Variants in HSPA9 observed in about 807,000 individuals in gnomAD.
HSPA9 encodes stress-70 protein, mitochondrial.
A neutral mutation model predicts 81.5 loss-of-function variants in HSPA9; 28 were observed. The observed-to-expected ratio is 0.34, with a 90% CI of 0.25 to 0.47. The LOEUF is 0.47. Among genes scored for constraint, HSPA9 ranks in the 20% least tolerant of loss-of-function variants. HSPA9 has a pLI of 1.00. For missense variants in HSPA9, 678 were observed against 838.0 expected, an observed-to-expected ratio of 0.81 and a Z score of 2.36; for synonymous variants, 293 against 290.4, an observed-to-expected ratio of 1.01 and a Z score of -0.09.
intron 4 of HSPA9, among the ~76,000 whole-genome samples, chr5:138,569,822 G>T (rs932188928): frequency 3.3e-5 from 5 of 152,006 alleles, no homozygotes; most frequent in Non-Finnish European, 7.4e-5. Flanking sequence ...TAAAGTGCTA[G>T]GATTACAGAC....
At chr5:138,560,165 T>C (rs1484765118) in intron 10 of HSPA9, 74 bp from the exon 11 acceptor site, 3 of 989,196 alleles carry the variant, frequency 3.0e-6, no homozygotes, top group Non-Finnish European at 4.8e-6. Context: ...GGAGCACGTG[T>C]CCTACGCTCC....
rs776856120 is a variant in HSPA9, at chr5:138,561,738, A to G, written c.1024T>C (p.Leu342=). 6.2e-7 allele frequency: 1 copy of G among 1,614,150 alleles called. No homozygotes were observed. The highest frequency in any genetic ancestry group is 8.5e-7 in the Non-Finnish European group (1 of 1,180,014). Residue 342 remains leucine, a synonymous_variant, in exon 10 of 17, where the codon TTG becomes CTG. Transcript: ENST00000297185. The part of the protein sequence containing the change: ...LTMDSSGPKH[L]NMKLTRAQFE... ...TGAGCACGGGTCAACTTCATATTCAAATGCTTGGGTCCAGAAGAATCCATT... is the reference window on the plus strand; with the variant it reads ...TGAGCACGGGTCAACTTCATATTCAGATGCTTGGGTCCAGAAGAATCCATT...
In HSPA9 at chr5:138,567,173, A is replaced by G; in HGVS notation, c.717-10T>C. On this transcript the variant is annotated splice_polypyrimidine_tract_variant and intron_variant, in intron 7 of 16. Coordinates refer to ENST00000297185, the MANE Select transcript of HSPA9 (RefSeq NM_004134.7). ...ATCATATACAGCAATGCTGTAAATG[A>G]TTTGTGAAAAAAAAAAGAAAAGAAA... is the stretch of plus-strand genomic sequence containing the variant. 6.4e-7 allele frequency: 1 copy of G among 1,555,228 alleles called. No homozygotes were observed. The highest frequency in any genetic ancestry group is 8.6e-7 in the Non-Finnish European group (1 of 1,158,092).
intron 10 of HSPA9, among the ~76,000 whole-genome samples, chr5:138,560,411 G>A (rs1183053422): frequency 6.6e-6 from 1 of 152,194 alleles, no homozygotes; most frequent in African/African-American, 2.4e-5. Context: ...GGACTTAGAA[G>A]TCCACATTCT....
rs548954454 is a variant in HSPA9, at chr5:138,553,938, C to A, written c.*2099G>T. ...TATAGAACTGCCAGAGCTAAGACAT[C>A]CATATTCTTCTAACCTCGGACTAGG... On this transcript the variant is annotated 3_prime_UTR_variant, in exon 17 of 17. Transcript: ENST00000297185. Among the ~76,000 whole-genome samples, 1 of 152,156 alleles carries A rather than the reference C, an allele frequency of 6.6e-6. No homozygotes were observed. Among genetic ancestry groups the A allele is most frequent in the Non-Finnish European group, 1.5e-5 (1 of 68,038 alleles).
Position 138,557,033 on chromosome 5 carries a change from T to G in HSPA9, c.1729-167A>C, listed in dbSNP as rs1346913146. 1.9e-5 allele frequency: 13 copies of G among 667,818 alleles called. No homozygotes were observed. The Admixed American group carries it at 3.0e-4, about 15-fold the overall frequency. The allele number at this position is 667,818 out of a possible 1,614,324, so 41.4% of individuals were successfully genotyped here. On this transcript the variant is annotated intron_variant, in intron 14 of 16. Coordinates refer to ENST00000297185, the MANE Select transcript of HSPA9 (RefSeq NM_004134.7). ...GAGTCTGGGATGGCTTTGAGAGAGA[T>G]TTGGGCTAGATTTTGTAACATCAGA...
intron 3 of HSPA9, among the ~76,000 whole-genome samples, chr5:138,572,173 T>C (rs1209533998): frequency 1.3e-5 from 2 of 151,886 alleles, no homozygotes; most frequent in Admixed American, 1.3e-4. Flanking sequence ...GATCTTCAAC[T>C]CCCACACTCA....
At chr5:138,574,587 G>A (rs919649562) in intron 1 of HSPA9, among the ~76,000 whole-genome samples, 41 of 152,200 alleles carry the variant, frequency 2.7e-4, no homozygotes, top group African/African-American at 7.5e-4. Context: ...GTTTCACTAG[G>A]ATAAAAGACC....
intron 5 of HSPA9, among the ~76,000 whole-genome samples, chr5:138,568,508 A>G (rs1750814137): frequency 1.3e-5 from 2 of 152,164 alleles, no homozygotes; most frequent in African/African-American, 4.8e-5. Context: ...ACTCTGTCTC[A>G]AAAAACAACA....
intron 11 of HSPA9, 23 bp from the exon 12 acceptor site, chr5:138,558,680 G>C (rs1190613342): frequency 6.9e-7 from 1 of 1,458,484 alleles, no homozygotes; most frequent in Non-Finnish European, 9.6e-7. Context: ...AAACCCTCCT[G>C]GGTTGTCAAT....
chr5:138,558,191 T>C (rs1750573534), intron 12 of HSPA9, among the ~76,000 whole-genome samples: 1 of 152,214 alleles, frequency 6.6e-6, no homozygotes, highest in South Asian at 2.1e-4. Flanking sequence ...AGTTTAGCTA[T>C]AGCAAGTAAC....
intron 16 of HSPA9, 62 bp from the exon 17 acceptor site, chr5:138,556,176 G>T: frequency 7.3e-7 from 1 of 1,369,126 alleles, no homozygotes; most frequent in Non-Finnish European, 1.0e-6. Context: ...TTTGCTCTTT[G>T]TTGCACTCCA....
chr5:138,566,505 G>GA, intron 9 of HSPA9, 121 bp downstream of exon 9: 1 of 790,924 alleles, frequency 1.3e-6, no homozygotes, highest in Non-Finnish European at 2.2e-6. Flanking sequence ...CCAGAAAACT[G>GA]AAAAAACAAA....
At chr5:138,568,899 C>T (rs763575950) in intron 5 of HSPA9, 26 bp downstream of exon 5, 1 of 1,612,066 alleles carries the variant, frequency 6.2e-7, no homozygotes, top group South Asian at 1.1e-5. Flanking sequence ...TTAGAACTTT[C>T]CCAGATGTGA....
In HSPA9 at chr5:138,567,611, CCTTA is replaced by C. The variant is rs774877047; in HGVS notation, c.609+34_609+37del. On this transcript the variant is annotated intron_variant, in intron 6 of 16. Coordinates refer to ENST00000297185, the MANE Select transcript of HSPA9 (RefSeq NM_004134.7). ...TTTTTGTACCCTTCCATCCCAGGCA[CCTTA>C]CTTTTTGTGAATAAGAATGCTAATT... 16 of 1,609,460 alleles carry C rather than the reference CCTTA, an allele frequency of 9.9e-6. No homozygotes were observed. In the Admixed American group the frequency reaches 1.8e-4, roughly 18 times the overall value.
In HSPA9 at chr5:138,567,642, A is replaced by G. The variant is rs749155104; in HGVS notation, c.609+7T>C. On this transcript the variant is annotated splice_region_variant and intron_variant, in intron 6 of 16. Transcript: ENST00000297185. ...TTTTTGTGAATAAGAATGCTAATTG[A>G]CCTCACCTGTCTCTGCGAGTCATTG... The G allele has an allele frequency of 6.2e-7, 1 of 1,613,130 alleles. No homozygotes were observed. Among genetic ancestry groups the G allele is most frequent in the East Asian group, 2.2e-5 (1 of 44,878 alleles).
At chr5:138,560,132 G>A (rs774095313) in intron 10 of HSPA9, 41 bp from the exon 11 acceptor site, 3 of 1,471,480 alleles carry the variant, frequency 2.0e-6, no homozygotes, top group Non-Finnish European at 2.8e-6. Context: ...CCACACTTGG[G>A]AACTACCTGA....
intron 14 of HSPA9, chr5:138,557,173 G>T: frequency 1.6e-6 from 1 of 613,584 alleles, no homozygotes. Flanking sequence ...CCTATGACAT[G>T]TCCAAACTCT....
chr5:138,555,693 C>T lies in HSPA9; in HGVS notation c.*344G>A, dbSNP rs955752762. On this transcript the variant is annotated 3_prime_UTR_variant, in exon 17 of 17. Coordinates refer to ENST00000297185, the MANE Select transcript of HSPA9 (RefSeq NM_004134.7). The stretch of plus-strand genomic sequence containing the variant: ...CTCATTTCAAGTCTATGGATGACTA[C>T]CTTCATTGCTGTGTGCGAGATGGTT... 6.3e-5 allele frequency: 22 copies of T among 350,230 alleles called. No individual in the cohort carries two copies. The highest frequency in any genetic ancestry group is 1.1e-4 in the Non-Finnish European group (21 of 183,724). 21.7% of individuals were successfully genotyped at this position (350,230 alleles called of 1,614,324 possible).
Sources: gnomAD v4.1 joint callset for allele counts (sites outside exome capture counted in the v4.1 genomes callset) on GRCh38, gnomAD v4.1.1 for gene constraint, MANE v1.5 for transcripts, NCBI Gene and HGNC (gene_info 2026-07-23, HGNC 2026-07-21) for gene names.